CNBD1: variants seen among roughly 807,000 people sequenced by gnomAD.
The protein encoded by CNBD1 is cyclic nucleotide-binding domain-containing protein 1.
In CNBD1, 71 loss-of-function variants were observed where a neutral mutation model predicts 54.4. The observed-to-expected ratio is 1.30, with a 90% CI of 1.08 to 1.59. The LOEUF is 1.59. CNBD1 is among the 40% of genes most tolerant of loss of function. The pLI is 0.00. For synonymous variants in CNBD1, 182 were observed against 170.7 expected (o/e 1.07, Z -0.51); for missense variants, 659 against 518.0 (o/e 1.27, Z -2.64).
At chr8:87,227,247 G>T (rs1405050398) in intron 5 of CNBD1, among the ~76,000 whole-genome samples, 1 of 149,872 alleles carries the variant, frequency 6.7e-6, no homozygotes, top group Non-Finnish European at 1.5e-5. Context: ...TACATTTAAA[G>T]TTAATAGTGT....
chr8:86,967,314 G>T (rs772995418), intron 4 of CNBD1, among the ~76,000 whole-genome samples: 1 of 152,250 alleles, frequency 6.6e-6, no homozygotes, highest in Non-Finnish European at 1.5e-5. Flanking sequence ...GCACAAGAAG[G>T]CTCGGATACA....
intron 3 of CNBD1, among the ~76,000 whole-genome samples, chr8:86,935,963 A>G (rs1274282368): frequency 6.6e-6 from 1 of 152,074 alleles, no homozygotes; most frequent in Non-Finnish European, 1.5e-5. Context: ...CCTGGCCAAC[A>G]TGGCAAAAAC....
chr8:87,359,001 A>G (rs67620422), intron 10 of CNBD1, among the ~76,000 whole-genome samples: 25,381 of 152,100 alleles, frequency 0.17, 2,964 homozygotes, highest in African/African-American at 0.34. Flanking sequence ...TACTGATTCA[A>G]ATGCTAATCT....
intron 3 of CNBD1, among the ~76,000 whole-genome samples, chr8:86,933,927 A>G (rs923706849): frequency 6.6e-6 from 1 of 152,192 alleles, no homozygotes; most frequent in Non-Finnish European, 1.5e-5. Context: ...AAATTAATCC[A>G]TAAATAATTG....
chr8:86,957,544 T>C (rs182716419), intron 4 of CNBD1, among the ~76,000 whole-genome samples: 117 of 152,316 alleles, frequency 7.7e-4, no homozygotes, highest in African/African-American at 2.6e-3. Flanking sequence ...AACTTCTTCC[T>C]GGTTTAGTCT....
intron 4 of CNBD1, among the ~76,000 whole-genome samples, chr8:87,033,297 GGCAAGTAGACCACTTCAGT>G (rs1809834449): frequency 6.6e-6 from 1 of 152,140 alleles, no homozygotes; most frequent in Non-Finnish European, 1.5e-5. Context: ...TGTGTTTGGG[GGCAAGTAGACCACTTCAGT>G]GCCTTTGGTG....
In CNBD1 at chr8:87,376,637, T is replaced by A. The variant is rs552463346; in HGVS notation, c.1304-5983T>A. Among the ~76,000 whole-genome samples the A allele has an allele frequency of 4.1e-4, 62 of 151,182 alleles. No individual in the cohort carries two copies. The South Asian group carries it at 0.012, about 30-fold the overall frequency. On this transcript the variant is annotated intron_variant, in intron 10 of 10. Coordinates refer to ENST00000518476, the MANE Select transcript of CNBD1 (RefSeq NM_173538.3). ...CTATATTTGGGTACTTCCATAGAAATCTTTAATAGCTAAAGCAGTGATTAT... is the reference window on the plus strand; with the variant it reads ...CTATATTTGGGTACTTCCATAGAAAACTTTAATAGCTAAAGCAGTGATTAT...
chr8:87,132,753 A>G (rs1812145173), intron 4 of CNBD1, among the ~76,000 whole-genome samples: 2 of 147,576 alleles, frequency 1.4e-5, no homozygotes, highest in Non-Finnish European at 3.0e-5. Context: ...TCATTTGCAT[A>G]TATATGGAAA....
chr8:86,938,071 T>C (rs187364047), intron 3 of CNBD1, among the ~76,000 whole-genome samples: 2 of 152,320 alleles, frequency 1.3e-5, no homozygotes, highest in Admixed American at 6.5e-5. Flanking sequence ...AAATTTCTTC[T>C]GCTAGATACT....
intron 8 of CNBD1, among the ~76,000 whole-genome samples, chr8:87,337,270 G>C (rs1235369599): frequency 6.6e-6 from 1 of 152,148 alleles, no homozygotes; most frequent in African/African-American, 2.4e-5. Context: ...ACACTCATCT[G>C]GGCTGCCCGG....
intron 4 of CNBD1, among the ~76,000 whole-genome samples, chr8:86,953,363 A>G (rs1807674969): frequency 6.6e-6 from 1 of 152,212 alleles, no homozygotes. Flanking sequence ...TGAATGTCAA[A>G]ATGTCCTATG....
chr8:86,990,553 T>A (rs1808722323), intron 4 of CNBD1, among the ~76,000 whole-genome samples: 1 of 152,166 alleles, frequency 6.6e-6, no homozygotes, highest in South Asian at 2.1e-4. Context: ...GGTCTATGTG[T>A]CTGCTTTTAT....
chr8:87,116,807 T>C (rs1406835752), intron 4 of CNBD1, among the ~76,000 whole-genome samples: 1 of 152,196 alleles, frequency 6.6e-6, no homozygotes, highest in Non-Finnish European at 1.5e-5. Context: ...GAGAGTTCTA[T>C]ATTAACACTA....
chr8:87,362,556 C>A (rs935485207), intron 10 of CNBD1, among the ~76,000 whole-genome samples: 2 of 151,984 alleles, frequency 1.3e-5, no homozygotes, highest in African/African-American at 2.4e-5. Flanking sequence ...TTAATCATAA[C>A]CTTATTTACA....
chr8:87,102,136 C>T (rs1811440999), intron 4 of CNBD1, among the ~76,000 whole-genome samples: 1 of 152,074 alleles, frequency 6.6e-6, no homozygotes, highest in Admixed American at 6.6e-5. Context: ...ATCTGCCCGC[C>T]TCGGCCTCCC....
intron 8 of CNBD1, among the ~76,000 whole-genome samples, chr8:87,327,251 CTT>C (rs1252930306): frequency 6.8e-6 from 1 of 148,020 alleles, no homozygotes; most frequent in African/African-American, 2.5e-5. Flanking sequence ...TTACTGCTGT[CTT>C]TTTGTTTGTC....
chr8:86,917,557 G>C (rs959913703), intron 3 of CNBD1, among the ~76,000 whole-genome samples: 3 of 152,184 alleles, frequency 2.0e-5, no homozygotes, highest in African/African-American at 7.2e-5. Context: ...TGAGTTGCCA[G>C]TAGGACTGAT....
chr8:87,387,674 A>G (rs1267911960), downstream of CNBD1, among the ~76,000 whole-genome samples: 4 of 152,146 alleles, frequency 2.6e-5, no homozygotes, highest in African/African-American at 9.7e-5. Context: ...TTAACACCCC[A>G]CTGTCAACAT....
chr8:87,351,467 G>C (rs549812213), intron 8 of CNBD1, among the ~76,000 whole-genome samples: 5 of 152,176 alleles, frequency 3.3e-5, no homozygotes, highest in South Asian at 4.1e-4. Context: ...CCAAAGTCTT[G>C]TCAGTGTTTG....
Sources: gnomAD v4.1 joint callset for allele counts (sites outside exome capture counted in the v4.1 genomes callset) on GRCh38, gnomAD v4.1.1 for gene constraint, MANE v1.5 for transcripts, NCBI Gene and HGNC (gene_info 2026-07-23, HGNC 2026-07-21) for gene names.